The following IL1RAPL1 variants were observed in gnomAD, a reference collection of about 807,000 sequenced individuals.
The protein encoded by IL1RAPL1 is interleukin 1 receptor accessory protein like 1.
IL1RAPL1 carries 3 observed loss-of-function variants against 48.4 expected under a neutral mutation model. The ratio of observed to expected loss-of-function variants is 0.06; its 90% confidence interval spans 0.03 to 0.16. The LOEUF is 0.16. Among genes scored for constraint, IL1RAPL1 ranks in the 10% least tolerant of loss-of-function variants. The pLI, the probability that IL1RAPL1 is intolerant of heterozygous loss-of-function variation, is 1.00. For missense variants in IL1RAPL1, 349 were observed against 530.6 expected (o/e 0.66, Z 3.36); for synonymous variants, 185 against 187.7 (o/e 0.99, Z 0.12).
At chrX:28,638,952 T>A (rs1334625672) in intron 1 of IL1RAPL1, among the ~76,000 whole-genome samples, 1 of 111,749 alleles carries the variant, frequency 8.9e-6, no homozygotes, top group Non-Finnish European at 1.9e-5. Flanking sequence ...GGGAAGATTA[T>A]GGTTTTGATG....
intron 6 of IL1RAPL1, among the ~76,000 whole-genome samples, chrX:29,773,623 T>C (rs1929121035): frequency 8.9e-6 from 1 of 112,176 alleles, no homozygotes; most frequent in Admixed American, 9.5e-5. Flanking sequence ...TCAGTGCTTT[T>C]CCAGAATTGC....
At chrX:29,348,495 T>C (rs778966290) in intron 3 of IL1RAPL1, among the ~76,000 whole-genome samples, 1 of 111,887 alleles carries the variant, frequency 8.9e-6, no homozygotes, top group African/African-American at 3.2e-5. Flanking sequence ...AGTGAAAGCT[T>C]TGACTAAGAT....
chrX:29,180,602 C>T (rs748669571), intron 2 of IL1RAPL1, among the ~76,000 whole-genome samples: 10 of 110,806 alleles, frequency 9.0e-5, no homozygotes, highest in Non-Finnish European at 1.7e-4. Flanking sequence ...GTCTCAAACT[C>T]CTGACCTCAG....
intron 1 of IL1RAPL1, among the ~76,000 whole-genome samples, chrX:28,765,844 C>T (rs1286399094): frequency 1.8e-5 from 2 of 111,690 alleles, no homozygotes; most frequent in African/African-American, 3.2e-5. Context: ...TTATTAATTT[C>T]TCCTTTCAAT....
chrX:29,465,009 C>A (rs763707965), intron 5 of IL1RAPL1, among the ~76,000 whole-genome samples: 21 of 111,651 alleles, frequency 1.9e-4, no homozygotes, highest in Non-Finnish European at 3.6e-4. Context: ...ATCTGTACAC[C>A]AAACACCTGT....
chrX:29,807,958 A>G (rs1024078664), intron 6 of IL1RAPL1, among the ~76,000 whole-genome samples: 58 of 111,964 alleles, frequency 5.2e-4, no homozygotes, highest in Non-Finnish European at 9.2e-4. Context: ...ATAAGATACA[A>G]TCTTTCACCT....
chrX:28,715,007 A>AGAT (rs1251975629), intron 1 of IL1RAPL1, among the ~76,000 whole-genome samples: 4 of 112,244 alleles, frequency 3.6e-5, no homozygotes, highest in Non-Finnish European at 7.5e-5. Context: ...AAATTAACAA[A>AGAT]GATATTCAGG....
chrX:29,803,424 T>C (rs945157032), intron 6 of IL1RAPL1, among the ~76,000 whole-genome samples: 1 of 96,876 alleles, frequency 1.0e-5, no homozygotes, highest in Non-Finnish European at 2.1e-5. Context: ...TGTATATGTG[T>C]ATATATGTAT....
intron 6 of IL1RAPL1, among the ~76,000 whole-genome samples, chrX:29,757,795 CTGTT>C (rs1291873068): frequency 8.9e-6 from 1 of 111,859 alleles, no homozygotes; most frequent in African/African-American, 3.2e-5. Flanking sequence ...AATGGACAAA[CTGTT>C]TGACACCAAT....
At chrX:28,866,435 C>T (rs975410112) in intron 2 of IL1RAPL1, among the ~76,000 whole-genome samples, 1 of 111,252 alleles carries the variant, frequency 9.0e-6, no homozygotes, top group Non-Finnish European at 1.9e-5. Context: ...GTGTATACTG[C>T]TCGGGTAATG....
intron 1 of IL1RAPL1, among the ~76,000 whole-genome samples, chrX:28,702,266 A>G (rs953940565): frequency 3.6e-5 from 4 of 112,034 alleles, no homozygotes; most frequent in Non-Finnish European, 7.5e-5. Flanking sequence ...GGGATCTTCA[A>G]ATATTTAGTT....
At chrX:29,047,770 T>A (rs1927004787) in intron 2 of IL1RAPL1, among the ~76,000 whole-genome samples, 1 of 107,518 alleles carries the variant, frequency 9.3e-6, no homozygotes, top group Non-Finnish European at 1.9e-5. Flanking sequence ...GTCGCCTGCA[T>A]TGGAGTACAG....
intron 6 of IL1RAPL1, among the ~76,000 whole-genome samples, chrX:29,868,024 G>T (rs954515654): frequency 8.9e-6 from 1 of 111,936 alleles, no homozygotes; most frequent in African/African-American, 3.2e-5. Context: ...TATCATTCAG[G>T]GTAGCTTGTA....
intron 2 of IL1RAPL1, among the ~76,000 whole-genome samples, chrX:29,066,068 G>A (rs1281670431): frequency 2.7e-5 from 3 of 111,273 alleles, no homozygotes; most frequent in Non-Finnish European, 5.7e-5. Context: ...TTTGTTTCCC[G>A]TATATGGGGA....
At chrX:29,891,722 G>T (rs910650688) in intron 6 of IL1RAPL1, among the ~76,000 whole-genome samples, 1 of 111,415 alleles carries the variant, frequency 9.0e-6, no homozygotes, top group Non-Finnish European at 1.9e-5. Context: ...CCTAGGAAAA[G>T]AAATCTTCCT....
intron 9 of IL1RAPL1, among the ~76,000 whole-genome samples, chrX:29,943,441 G>T (rs1233028480): frequency 8.9e-6 from 1 of 111,869 alleles, no homozygotes; most frequent in Admixed American, 9.5e-5. Flanking sequence ...ACTTACTCAA[G>T]AAGATAACAC....
chrX:29,941,535 C>A, intron 8 of IL1RAPL1, 116 bp from the exon 9 acceptor site: 1 of 761,012 alleles, frequency 1.3e-6, no homozygotes, highest in Non-Finnish European at 2.0e-6. Context: ...GGGGTTGTGT[C>A]AACCCGTTAA....
intron 5 of IL1RAPL1, among the ~76,000 whole-genome samples, chrX:29,642,540 A>G: frequency 8.9e-6 from 1 of 112,338 alleles, no homozygotes; most frequent in Non-Finnish European, 1.9e-5. Context: ...CTGATTAGCA[A>G]TTGTTTTTCC....
At chrX:29,213,099 A>G (rs1419022015) in intron 2 of IL1RAPL1, among the ~76,000 whole-genome samples, 1 of 111,620 alleles carries the variant, frequency 9.0e-6, no homozygotes, top group Non-Finnish European at 1.9e-5. Flanking sequence ...CCCAGGTTCA[A>G]ATGATTCTCC....
Sources: allele counts gnomAD v4.1 joint callset (sites outside exome capture counted in the v4.1 genomes callset), GRCh38; gene constraint gnomAD v4.1.1; transcripts MANE v1.5; gene names NCBI Gene and HGNC (gene_info 2026-07-23, HGNC 2026-07-21).